RANBP2: variants seen among roughly 807,000 people sequenced by gnomAD.
The protein encoded by RANBP2 is E3 SUMO-protein ligase RanBP2.
A neutral mutation model predicts 303.6 loss-of-function variants in RANBP2; 57 were observed. That is an observed-to-expected ratio of 0.19 (90% CI 0.15 to 0.23). The LOEUF (loss-of-function observed/expected upper bound fraction) is 0.23. Among genes scored for constraint, RANBP2 ranks in the 10% least tolerant of loss-of-function variants. The pLI is 1.00. For missense variants in RANBP2, 3,138 were observed against 3,780.8 expected, an observed-to-expected ratio of 0.83 and a Z score of 4.46; for synonymous variants, 1,167 against 1,301.5, an observed-to-expected ratio of 0.90 and a Z score of 2.23.
chr2:108,914,805 A>C, the RANBP2 span, among the ~76,000 whole-genome samples: 21 of 152,162 alleles, frequency 1.4e-4, no homozygotes, highest in Non-Finnish European at 2.6e-4. Context: ...GCCATCCCCA[A>C]ATCAAGGTAC....
At chr2:109,099,052 C>T in the RANBP2 span, among the ~76,000 whole-genome samples, 4 of 152,156 alleles carry the variant, frequency 2.6e-5, no homozygotes, top group Non-Finnish European at 4.4e-5. Flanking sequence ...TGGCCTCTGG[C>T]AGAGACCATA....
At chr2:109,170,296 T>TCTCTTCTCTC in the RANBP2 span, among the ~76,000 whole-genome samples, 6 of 110,880 alleles carry the variant, frequency 5.4e-5, 1 homozygote, top group Non-Finnish European at 9.4e-5. Context: ...TCTCTTCTCT[T>TCTCTTCTCTC]CTCTTCTCTT....
the RANBP2 span, among the ~76,000 whole-genome samples, chr2:109,715,187 G>A: frequency 1.0e-4 from 15 of 146,454 alleles, no homozygotes; most frequent in East Asian, 2.5e-3. Flanking sequence ...AGCTGGTCTC[G>A]AACTCCTGAC....
the RANBP2 span, among the ~76,000 whole-genome samples, chr2:108,905,773 G>A: frequency 6.6e-6 from 1 of 152,274 alleles, no homozygotes; most frequent in Middle Eastern, 3.4e-3. Context: ...CAGCACTGAC[G>A]GTCCTATCCT....
At chr2:109,291,912 G>A in the RANBP2 span, among the ~76,000 whole-genome samples, 2 of 152,208 alleles carry the variant, frequency 1.3e-5, no homozygotes, top group African/African-American at 4.8e-5. Context: ...TTGCCAGGCT[G>A]GAGTGCAGTG....
chr2:109,597,279 T>G, the RANBP2 span, among the ~76,000 whole-genome samples: 2 of 152,206 alleles, frequency 1.3e-5, no homozygotes, highest in African/African-American at 4.8e-5. Context: ...AAAGTAATAA[T>G]AGGACAAGAG....
At chr2:109,501,202 T>G in the RANBP2 span, among the ~76,000 whole-genome samples, 1 of 151,736 alleles carries the variant, frequency 6.6e-6, no homozygotes, top group African/African-American at 2.4e-5. Flanking sequence ...GGCAGGAGCG[T>G]GGATATGAGA....
the RANBP2 span, among the ~76,000 whole-genome samples, chr2:108,941,622 C>T: frequency 2.0e-5 from 3 of 152,186 alleles, no homozygotes; most frequent in African/African-American, 7.2e-5. Context: ...AAACGATCTC[C>T]TTGGCCCAGA....
the RANBP2 span, among the ~76,000 whole-genome samples, chr2:108,922,481 C>T: frequency 1.3e-5 from 2 of 152,230 alleles, no homozygotes; most frequent in Admixed American, 1.3e-4. Flanking sequence ...CAGAACCCTC[C>T]TCCTGGCTTG....
chr2:108,786,778 T>A, downstream of RANBP2: 2 of 1,526,978 alleles, frequency 1.3e-6, no homozygotes, highest in Non-Finnish European at 1.8e-6. Context: ...GCCGCGGGTT[T>A]GATGAACGCG....
the RANBP2 span, among the ~76,000 whole-genome samples, chr2:109,433,551 C>T: frequency 1.3e-5 from 2 of 152,216 alleles, no homozygotes; most frequent in Non-Finnish European, 2.9e-5. Context: ...AAGCGAAAGA[C>T]GTGGCCTTGG....
the RANBP2 span, among the ~76,000 whole-genome samples, chr2:109,534,896 G>A: frequency 6.6e-6 from 1 of 152,154 alleles, no homozygotes; most frequent in Non-Finnish European, 1.5e-5. Context: ...TGGGAGAGTG[G>A]TGGTGGACAT....
At chr2:109,615,277 C>T in the RANBP2 span, 13 of 1,584,822 alleles carry the variant, frequency 8.2e-6, no homozygotes, top group South Asian at 1.1e-4. Flanking sequence ...GGCTCCGTGA[C>T]GCTGGACCCC....
At chr2:109,201,261 C>T in the RANBP2 span, among the ~76,000 whole-genome samples, 1,205 of 152,370 alleles carry the variant, frequency 7.9e-3, 11 homozygotes, top group East Asian at 0.036. Flanking sequence ...GAAAATTTTG[C>T]TGGCCTTGTA....
At chr2:109,223,214 C>T in the RANBP2 span, among the ~76,000 whole-genome samples, 4 of 152,178 alleles carry the variant, frequency 2.6e-5, no homozygotes, top group Non-Finnish European at 2.9e-5. Flanking sequence ...CCTTTGCTGC[C>T]GTCCCATGCA....
the RANBP2 span, among the ~76,000 whole-genome samples, chr2:109,164,940 G>C: frequency 6.6e-6 from 1 of 152,208 alleles, no homozygotes; most frequent in African/African-American, 2.4e-5. Context: ...AAATAAAAAT[G>C]ACAATGGGGA....
chr2:109,196,910 G>C, the RANBP2 span, among the ~76,000 whole-genome samples: 1 of 152,190 alleles, frequency 6.6e-6, no homozygotes, highest in Non-Finnish European at 1.5e-5. Flanking sequence ...ATAGAGGCTG[G>C]CACTACTTGC....
At chr2:109,167,291 G>A in the RANBP2 span, among the ~76,000 whole-genome samples, 2 of 152,196 alleles carry the variant, frequency 1.3e-5, no homozygotes, top group Admixed American at 1.3e-4. Flanking sequence ...CATAGGTACA[G>A]GAGATGCGGT....
At chr2:109,565,909 T>C in the RANBP2 span, 3 of 1,431,506 alleles carry the variant, frequency 2.1e-6, 1 homozygote, top group Admixed American at 5.0e-5. Context: ...GATAACTGAC[T>C]AGATAAAATA....
Sources: allele counts gnomAD v4.1 joint callset (sites outside exome capture counted in the v4.1 genomes callset), GRCh38; gene constraint gnomAD v4.1.1; transcripts MANE v1.5; gene names NCBI Gene and HGNC (gene_info 2026-07-23, HGNC 2026-07-21).